HAUS5: variants seen among roughly 807,000 people sequenced by gnomAD.
HAUS5 encodes the protein HAUS augmin-like complex subunit 5.
A neutral mutation model predicts 94.1 loss-of-function variants in HAUS5; 67 were observed. The observed-to-expected ratio is 0.71, with a 90% confidence interval of 0.58 to 0.87. The LOEUF is 0.87. HAUS5 is among the 40% of genes least tolerant of loss of function. HAUS5 has a pLI of 0.00. For missense variants in HAUS5, 739 were observed against 825.6 expected, an observed-to-expected ratio of 0.90 and a Z score of 1.29; for synonymous variants, 339 against 355.4, an observed-to-expected ratio of 0.95 and a Z score of 0.52.
chr19:35,618,218 A>G, intron 10 of HAUS5, 23 bp downstream of exon 10: 2 of 1,594,948 alleles, frequency 1.3e-6, no homozygotes, highest in Non-Finnish European at 1.7e-6. Context: ...GTATTCTCAC[A>G]GTTGGGGAAG....
Position 35,617,287 on chromosome 19 carries a change from C to G in HAUS5, c.556C>G (p.Arg186Gly). ...AALGLEPVVL[R>G]DVRTACTLRA... ...GGTCCCTTCCTCCTCTTCTCCCTAG[C>G]GTGATGTCCGAACAGCCTGCACCCT... The change falls in exon 8 of 19, where the codon CGT (arginine) becomes GGT (glycine). Residue 186 changes from arginine (R) to glycine (G), a missense_variant and splice_region_variant. Physicochemically the swap from Arg to Gly is moderately radical, Grantham distance 125 (BLOSUM62 -2). Coordinates refer to ENST00000203166, the MANE Select transcript of HAUS5 (RefSeq NM_015302.2). 1 of 1,613,228 alleles carries G rather than the reference C, an allele frequency of 6.2e-7. No homozygotes were observed. The highest frequency in any genetic ancestry group is 8.5e-7 in the Non-Finnish European group (1 of 1,179,220).
chr19:35,619,584 G>GCGGCC, intron 14 of HAUS5, 29 bp from the exon 15 acceptor site: 8 of 1,533,874 alleles, frequency 5.2e-6, no homozygotes, highest in African/African-American at 1.4e-5. Flanking sequence ...ATGTTGTGAT[G>GCGGCC]CCCCACCCAC....
intron 17 of HAUS5, among the ~76,000 whole-genome samples, chr19:35,622,281 A>G (rs1171177971): frequency 2.0e-5 from 3 of 151,848 alleles, no homozygotes; most frequent in South Asian, 2.1e-4. Flanking sequence ...AGAAACGCTC[A>G]GGAGACTGAG....
intron 8 of HAUS5, 111 bp from the exon 9 acceptor site, chr19:35,617,744 T>C: frequency 1.1e-6 from 1 of 925,714 alleles, no homozygotes; most frequent in Non-Finnish European, 1.7e-6. Flanking sequence ...GGAACTCAAG[T>C]CTAACAGGCA....
rs1429509930 is a variant in HAUS5, at chr19:35,624,118, T to C, written c.*1125T>C. 1 of 147,532 alleles carries C rather than the reference T, an allele frequency of 6.8e-6. No individual in the cohort carries two copies. The highest frequency in any genetic ancestry group is 1.9e-4 in the East Asian group (1 of 5,134). The allele number at this position is 147,532 out of a possible 1,614,324, so 9.1% of individuals were successfully genotyped here. A position where few individuals can be genotyped will look rare whatever the true frequency, so the allele number is the denominator to read the frequency against. ...TTTTCTTTTGTTTTTTTTTTTTTTT[T>C]TTTTGAGATGCAGTCTCATTCTGTT... On this transcript the variant is annotated 3_prime_UTR_variant, in exon 19 of 19. Coordinates refer to ENST00000203166, the MANE Select transcript of HAUS5 (RefSeq NM_015302.2).
At chr19:35,618,796 T>G in intron 12 of HAUS5, 91 bp from the exon 13 acceptor site, 9 of 1,520,124 alleles carry the variant, frequency 5.9e-6, no homozygotes, top group Non-Finnish European at 8.0e-6. Flanking sequence ...TATCTCTGCC[T>G]CCTCTCCCTG....
At position 35,612,782 on chromosome 19, in the gene HAUS5, C is replaced by G. The variant is rs73931232; in HGVS notation, c.-13C>G. 6 of 1,540,766 alleles carry G rather than the reference C, an allele frequency of 3.9e-6. No individual in the cohort carries two copies. Among genetic ancestry groups the G allele is most frequent in the Non-Finnish European group, 5.2e-6 (6 of 1,143,578 alleles). On this transcript the variant is annotated 5_prime_UTR_variant, in exon 1 of 19. Coordinates refer to ENST00000203166, the MANE Select transcript of HAUS5 (RefSeq NM_015302.2). ...GAGGCTGAGGGAGGCGGTGTCGCCG[C>G]CGCGGCGCTGTCATGGAGCTAGCGC...
intron 6 of HAUS5, among the ~76,000 whole-genome samples, chr19:35,616,254 G>A (rs1275808016): frequency 1.3e-5 from 2 of 151,714 alleles, no homozygotes; most frequent in African/African-American, 4.8e-5. Flanking sequence ...GGAAAAGGAG[G>A]TTGCAGTGAG....
chr19:35,618,911 G>C lies in HAUS5; in HGVS notation c.1041G>C (p.Arg347=). Residue 347 remains arginine, a synonymous_variant, in exon 13 of 19, where the codon CGG becomes CGC. Transcript: ENST00000203166. ...GGCAGGTGCTGATACTGGGGCTTCG[G>C]CGCTGTTGCCTGTGGACGGAGCTCA... The part of the protein sequence containing the change: ...SERQVLILGL[R]RCCLWTELKA... 1 of 1,610,810 alleles carries C rather than the reference G, an allele frequency of 6.2e-7. No individual in the cohort carries two copies. Among genetic ancestry groups the C allele is most frequent in the Non-Finnish European group, 8.5e-7 (1 of 1,178,604 alleles).
intron 14 of HAUS5, 23 bp from the exon 15 acceptor site, chr19:35,619,590 C>T: frequency 1.3e-6 from 2 of 1,521,558 alleles, no homozygotes; most frequent in Non-Finnish European, 1.8e-6. Context: ...TGATGCCCCA[C>T]CCACCCCTCC....
intron 14 of HAUS5, 29 bp from the exon 15 acceptor site, chr19:35,619,584 G>GGCCCCCCCCCC: frequency 2.6e-6 from 4 of 1,533,856 alleles, no homozygotes; most frequent in Admixed American, 1.8e-5. Context: ...ATGTTGTGAT[G>GGCCCCCCCCCC]CCCCACCCAC....
chr19:35,620,240 C>A lies in HAUS5; in HGVS notation c.1564C>A (p.Leu522Ile). The A allele has an allele frequency of 6.2e-7, 1 of 1,613,808 alleles. No individual in the cohort carries two copies. The highest frequency in any genetic ancestry group is 2.2e-5 in the East Asian group (1 of 44,880). Reference sequence around the variant, plus strand: ...GGCGGCTGCCTCTCTTCGCCAGGACCTTCTGCTCCTGCAGGACCAGCGGAG... The same window carrying A: ...GGCGGCTGCCTCTCTTCGCCAGGACATTCTGCTCCTGCAGGACCAGCGGAG... ...LPAAASLRQD[L>I]LLLQDQRSLW... Residue 522 changes from leucine to isoleucine, a missense_variant, in exon 17 of 19, where the codon CTT becomes ATT. Transcript: ENST00000203166.
rs1338025978 is a variant in HAUS5 at position 35,625,090 on chromosome 19, C to T, written c.*2097C>T. On this transcript the variant is annotated 3_prime_UTR_variant, in exon 19 of 19. Coordinates refer to ENST00000203166, the MANE Select transcript of HAUS5 (RefSeq NM_015302.2). ...CTTCAACTGAACTCAACAAAATCTT[C>T]AACTTCATACAGTAGTCACATTGTT... 1 of 152,176 alleles carries T rather than the reference C, an allele frequency of 6.6e-6. No individual in the cohort carries two copies. The highest frequency in any genetic ancestry group is 1.5e-5 in the Non-Finnish European group (1 of 68,026). The allele number at this position is 152,176 out of a possible 1,614,324, so 9.4% of individuals were successfully genotyped here. A position where few individuals can be genotyped will look rare whatever the true frequency, so the allele number is the denominator to read the frequency against.
rs1281792108 is a variant in HAUS5, at chr19:35,620,206, G to T, written c.1530G>T (p.Leu510=). The part of the protein sequence containing the change: ...LGLPPGKASE[L]LLPAAASLRQ... ...CCCTCCTCCTCCAGGCCTCGGAGCT[G>T]CTCCTGCCGGCGGCTGCCTCTCTTC... The change falls in exon 17 of 19, where the codon CTG becomes CTT. Residue 510 remains leucine, a synonymous_variant. Coordinates refer to ENST00000203166, the MANE Select transcript of HAUS5 (RefSeq NM_015302.2). The T allele has an allele frequency of 6.2e-7, 1 of 1,613,608 alleles. No individual in the cohort carries two copies. The highest frequency in any genetic ancestry group is 1.1e-5 in the South Asian group (1 of 91,060).
chr19:35,617,167 G>C lies in HAUS5; in HGVS notation c.529G>C (p.Ala177Pro). 1 of 1,614,098 alleles carries C rather than the reference G, an allele frequency of 6.2e-7. No individual in the cohort carries two copies. ...GACCTTTGGATCCCTCACGTCGGCA[G>C]CTCTGGGCCTGGAGCCCGTGGTCCT... is the stretch of plus-strand genomic sequence containing the variant. ...DVTFGSLTSA[A>P]LGLEPVVLRD... The change falls in exon 7 of 19, where the codon GCT becomes CCT. Residue 177 changes from alanine to proline, a missense_variant. Ala to Pro is a conservative substitution (Grantham distance 27, BLOSUM62 -1). Coordinates refer to ENST00000203166, the MANE Select transcript of HAUS5 (RefSeq NM_015302.2).
rs1303762393 is a variant in HAUS5 at position 35,615,371 on chromosome 19, T to C, written c.470T>C (p.Leu157Pro). Residue 157 changes from leucine to proline, a missense_variant, in exon 6 of 19, where the codon CTG becomes CCG. Physicochemically the swap from Leu to Pro is moderately conservative, Grantham distance 98. Transcript: ENST00000203166. The stretch of plus-strand genomic sequence containing the variant: ...CGGCTGCAGAATCAACTGAGGCGCC[T>C]GCAGGACATGGAGAGGTGGGCCTCA... ...MQRLQNQLRR[L>P]QDMERKAKVD... The C allele has an allele frequency of 1.2e-6, 2 of 1,607,988 alleles. No individual in the cohort carries two copies. The highest frequency in any genetic ancestry group is 1.7e-6 in the Non-Finnish European group (2 of 1,177,514).
In HAUS5 at chr19:35,617,370, G is replaced by A. The variant is rs755048584; in HGVS notation, c.638+1G>A. 6.2e-6 allele frequency: 10 copies of A among 1,607,912 alleles called. No homozygotes were observed. The highest frequency in any genetic ancestry group is 4.5e-5 in the East Asian group (2 of 44,850). On this transcript the variant is annotated splice_donor_variant, in intron 8 of 18. Coordinates refer to ENST00000203166, the MANE Select transcript of HAUS5 (RefSeq NM_015302.2). LOFTEE classifies it high-confidence loss of function. ...CCCAGGCCAAGAGGGGCAGCCTCCC[G>A]TGAGTGTCCCTAGCCCCCAGAGACC... is the stretch of plus-strand genomic sequence containing the variant.
chr19:35,618,447 C>T lies in HAUS5; in HGVS notation c.867C>T (p.Ser289=), dbSNP rs1306772399. 6.2e-7 allele frequency: 1 copy of T among 1,613,978 alleles called. No homozygotes were observed. Among genetic ancestry groups the T allele is most frequent in the African/African-American group, 1.3e-5 (1 of 74,922 alleles). ...DQSDSSQTLP[S]MVHLIQEGWR... is the part of the protein sequence containing the mutation. ...CAGACTCCAGCCAGACCCTGCCGTC[C>T]ATGGTTCATCTCATCCAGGTGACCC... Residue 289 remains serine, a synonymous_variant, in exon 11 of 19, where the codon TCC becomes TCT. Coordinates refer to ENST00000203166, the MANE Select transcript of HAUS5 (RefSeq NM_015302.2).
rs201392523 is a variant in HAUS5 at position 35,622,725 on chromosome 19, G to A, written c.1776G>A (p.Val592=). Residue 592 remains valine (V), a synonymous_variant, in exon 18 of 19, where the codon GTG becomes GTA. Transcript: ENST00000203166. ...GAATCCCTGAGCTGCAGGGGATCGT[G>A]GGGGACTGGTGAGAGGGGAACGTGC... The part of the protein sequence containing the change: ...LERIPELQGI[V]GDWWEQPGQA... The A allele has an allele frequency of 1.9e-6, 3 of 1,613,956 alleles. No individual in the cohort carries two copies. Among genetic ancestry groups the A allele is most frequent in the Non-Finnish European group, 2.5e-6 (3 of 1,179,864 alleles).
Sources: allele counts gnomAD v4.1 joint callset (sites outside exome capture counted in the v4.1 genomes callset), GRCh38; gene constraint gnomAD v4.1.1; transcripts MANE v1.5; gene names NCBI Gene and HGNC (gene_info 2026-07-23, HGNC 2026-07-21).